Variants in SRGAP2 observed in about 807,000 individuals in gnomAD.
SRGAP2 encodes SLIT-ROBO Rho GTPase-activating protein 2.
Under a neutral mutation model 57.2 loss-of-function variants are expected in SRGAP2, and 15 were observed. The ratio of observed to expected loss-of-function variants is 0.26; its 90% CI spans 0.18 to 0.40. SRGAP2 has a LOEUF of 0.40. SRGAP2 is among the 10% of genes least tolerant of loss of function. The pLI is 1.00. For synonymous variants in SRGAP2, 249 were observed against 248.0 expected (o/e 1.00, Z -0.04); for missense variants, 520 against 669.6 (o/e 0.78, Z 2.47).
intron 11 of SRGAP2, among the ~76,000 whole-genome samples, chr1:206,418,445 T>C (rs1254801254): frequency 6.6e-6 from 1 of 152,192 alleles, no homozygotes. Flanking sequence ...TGCAAGAGCT[T>C]GGATAGGGAG....
intron 7 of SRGAP2, among the ~76,000 whole-genome samples, chr1:206,395,971 A>G (rs1479416215): frequency 6.9e-6 from 1 of 145,808 alleles, no homozygotes; most frequent in African/African-American, 2.7e-5. Flanking sequence ...GTAGTAATAA[A>G]GTTTCTCATG....
rs1457302825 is a variant in SRGAP2 at position 206,303,873 on chromosome 1, C to G, written c.260+400C>G. On this transcript the variant is annotated intron_variant, in intron 3 of 22. Transcript: ENST00000573034. Reference sequence around the variant, plus strand: ...TCAGGGTCTATCTTAATCTCTGTCTCTCTCTCTCTCTCTCTCACACACACA... The same window carrying G: ...TCAGGGTCTATCTTAATCTCTGTCTGTCTCTCTCTCTCTCTCACACACACA... Among the ~76,000 whole-genome samples the G allele has an allele frequency of 6.5e-5, 3 of 45,844 alleles. No individual in the cohort carries two copies. In the East Asian group the frequency reaches 2.2e-3, roughly 34 times the overall value. The allele number at this position is 45,844 out of a possible 152,430, so 30.1% of individuals were successfully genotyped here.
At chr1:206,422,243 C>A (rs565744877) in intron 13 of SRGAP2, among the ~76,000 whole-genome samples, 1 of 152,238 alleles carries the variant, frequency 6.6e-6, no homozygotes, top group Admixed American at 6.5e-5. Flanking sequence ...TCTGACTGCT[C>A]TGACAGGGTG....
At chr1:206,442,717 AT>A (rs2103344478) in intron 17 of SRGAP2, among the ~76,000 whole-genome samples, 1 of 152,358 alleles carries the variant, frequency 6.6e-6, no homozygotes, top group African/African-American at 2.4e-5. Context: ...TGCAGCATTA[AT>A]AAAGTGTTTT....
chr1:206,255,737 T>G (rs1669143347), intron 2 of SRGAP2, among the ~76,000 whole-genome samples: 1 of 149,116 alleles, frequency 6.7e-6, no homozygotes, highest in Non-Finnish European at 1.5e-5. Flanking sequence ...AATCATTTAG[T>G]TATTTTAGTT....
intron 2 of SRGAP2, among the ~76,000 whole-genome samples, chr1:206,257,743 T>TAC (rs1335591856): frequency 8.0e-5 from 9 of 112,266 alleles, no homozygotes; most frequent in African/African-American, 2.8e-4. Flanking sequence ...ACTATATATA[T>TAC]ACATATATAT....
At chr1:206,366,510 G>A (rs1654027994) in intron 4 of SRGAP2, among the ~76,000 whole-genome samples, 1 of 151,802 alleles carries the variant, frequency 6.6e-6, no homozygotes, top group South Asian at 2.1e-4. Context: ...TTGGGGGGTG[G>A]GGACGATCAT....
At chr1:206,416,929 C>T (rs574947449) in intron 11 of SRGAP2, among the ~76,000 whole-genome samples, 78 of 152,312 alleles carry the variant, frequency 5.1e-4, no homozygotes, top group African/African-American at 1.7e-3. Flanking sequence ...TTTAGACAAA[C>T]TGCAAAGTTT....
chr1:206,293,035 A>T (rs1432501518), intron 2 of SRGAP2, among the ~76,000 whole-genome samples: 1 of 152,012 alleles, frequency 6.6e-6, no homozygotes, highest in Admixed American at 6.6e-5. Flanking sequence ...AATGAAGTAA[A>T]CTCTCCAGAG....
At chr1:206,259,286 T>C (rs1669395937) in intron 2 of SRGAP2, among the ~76,000 whole-genome samples, 2 of 149,692 alleles carry the variant, frequency 1.3e-5, no homozygotes, top group Admixed American at 1.3e-4. Flanking sequence ...TCTGCTAAGG[T>C]TGGAACATTT....
intron 10 of SRGAP2, among the ~76,000 whole-genome samples, chr1:206,415,616 T>C (rs2103217663): frequency 6.6e-6 from 1 of 152,282 alleles, no homozygotes; most frequent in South Asian, 2.1e-4. Flanking sequence ...TCTTCCTCAG[T>C]GAAACTGCAG....
chr1:206,243,796 G>A (rs1448387243), intron 2 of SRGAP2, among the ~76,000 whole-genome samples: 2 of 150,916 alleles, frequency 1.3e-5, no homozygotes, highest in African/African-American at 4.9e-5. Context: ...GAAATAGAGG[G>A]GCACCTTGGC....
intron 4 of SRGAP2, among the ~76,000 whole-genome samples, chr1:206,362,776 A>G (rs1677006592): frequency 6.6e-6 from 1 of 150,850 alleles, no homozygotes; most frequent in East Asian, 2.0e-4. Flanking sequence ...CCATTGGGCT[A>G]TTATGATAGT....
chr1:206,205,200 C>T (rs1357280293), intron 1 of SRGAP2: 2 of 151,988 alleles, frequency 1.3e-5, no homozygotes, highest in Non-Finnish European at 2.9e-5. Flanking sequence ...AGTCCCCGCC[C>T]GGAGCCCGCG....
At chr1:206,398,817 A>G (rs1272181510) in intron 7 of SRGAP2, among the ~76,000 whole-genome samples, 1 of 152,238 alleles carries the variant, frequency 6.6e-6, no homozygotes, top group East Asian at 1.9e-4. Context: ...ACTGGAGTCT[A>G]GGATTGCAGG....
At chr1:206,325,491 A>G (rs2102851253) in intron 3 of SRGAP2, among the ~76,000 whole-genome samples, 1 of 151,396 alleles carries the variant, frequency 6.6e-6, no homozygotes, top group South Asian at 2.1e-4. Context: ...CCACAGGTGC[A>G]CACCACCATG....
At chr1:206,353,313 T>C (rs1183012692) in intron 4 of SRGAP2, among the ~76,000 whole-genome samples, 2 of 152,184 alleles carry the variant, frequency 1.3e-5, no homozygotes, top group African/African-American at 4.8e-5. Flanking sequence ...TTTTTTCAAA[T>C]TTTTGTTTTC....
Position 206,454,377 on chromosome 1 carries a change from C to T in SRGAP2, c.2361-501C>T, listed in dbSNP as rs1663625916. 1 of 597,330 alleles carries T rather than the reference C, an allele frequency of 1.7e-6. No homozygotes were observed. The highest frequency in any genetic ancestry group is 3.0e-6 in the Non-Finnish European group (1 of 335,896). The allele number at this position is 597,330 out of a possible 1,614,324, so 37.0% of individuals were successfully genotyped here. On this transcript the variant is annotated intron_variant, in intron 20 of 22. Transcript: ENST00000573034. The surrounding 1 kb of genome is among the most constrained non-coding windows in gnomAD (Gnocchi z 4.3). ...GGGGCCAGGAGAGCAGTGGAGAGACCTGGGACCGGCTTGGATGCTCTGAGC... is the reference window on the plus strand; with the variant it reads ...GGGGCCAGGAGAGCAGTGGAGAGACTTGGGACCGGCTTGGATGCTCTGAGC...
chr1:206,458,786 G>A lies in SRGAP2; in HGVS notation c.2671G>A (p.Asp891Asn). The A allele has an allele frequency of 1.3e-6, 1 of 780,850 alleles. No individual in the cohort carries two copies. Among genetic ancestry groups the A allele is most frequent in the Non-Finnish European group, 2.4e-6 (1 of 417,982 alleles). The allele number at this position is 780,850 out of a possible 1,614,324, so 48.4% of individuals were successfully genotyped here. A position where few individuals can be genotyped will look rare whatever the true frequency, so the allele number is the denominator to read the frequency against. The stretch of plus-strand genomic sequence containing the variant: ...CCAGAGCCTCCCCAAAGAAGGGCCA[G>A]ATAAGTGTTCCATCAGTGGGCACGG... ...MSQSLPKEGP[D>N]KCSISGHGSL... The change falls in exon 22 of 23, where the codon GAT (aspartate) becomes AAT (asparagine). Residue 891 changes from aspartate (D) to asparagine (N), a missense_variant. Asp to Asn is a conservative substitution (Grantham distance 23, BLOSUM62 1). This residue lies in a region of SRGAP2 where 478 missense variants were observed against 373.6 expected (regional missense o/e 1.28). Coordinates refer to ENST00000573034, the MANE Select transcript of SRGAP2 (RefSeq NM_015326.5).
Sources: allele counts gnomAD v4.1 joint callset (sites outside exome capture counted in the v4.1 genomes callset), GRCh38; gene constraint gnomAD v4.1.1; regional missense constraint gnomAD v4.1.1; non-coding constraint Gnocchi (gnomAD v3.1); transcripts MANE v1.5; gene names NCBI Gene and HGNC (gene_info 2026-07-23, HGNC 2026-07-21).